The following CFAP54 variants were observed in gnomAD, a reference collection of about 807,000 sequenced individuals.
The protein encoded by CFAP54 is cilia- and flagella-associated protein 54.
In CFAP54, 290 loss-of-function variants were observed where a neutral mutation model predicts 370.4. The observed-to-expected ratio is 0.78, with a 90% confidence interval of 0.71 to 0.86. The LOEUF is 0.86. Among genes scored for constraint, CFAP54 ranks in the 40% least tolerant of loss-of-function variants. The probability of loss-of-function intolerance (pLI) is 0.00; values close to 1 mark genes in which losing one functional copy is unlikely to be tolerated. For synonymous variants in CFAP54, 1,206 were observed against 1,236.5 expected, an observed-to-expected ratio of 0.98 and a Z score of 0.52; for missense variants, 3,399 against 3,528.7, an observed-to-expected ratio of 0.96 and a Z score of 0.93.
chr12:96,775,649 A>G (rs549389823), intron 60 of CFAP54, among the ~76,000 whole-genome samples: 4 of 152,160 alleles, frequency 2.6e-5, no homozygotes, highest in Non-Finnish European at 5.9e-5. Context: ...TGCTGCTCAC[A>G]TAATTGTTCC....
intron 19 of CFAP54, among the ~76,000 whole-genome samples, chr12:96,570,456 T>A (rs1205805362): frequency 6.6e-6 from 1 of 152,068 alleles, no homozygotes; most frequent in Non-Finnish European, 1.5e-5. Flanking sequence ...CTCTTTTAAG[T>A]GATTTAAGGG....
At chr12:96,716,440 A>G (rs1375394977) in intron 48 of CFAP54, among the ~76,000 whole-genome samples, 2 of 152,186 alleles carry the variant, frequency 1.3e-5, no homozygotes, top group African/African-American at 4.8e-5. Context: ...TTGCACTTCC[A>G]TAAGTGTTCT....
At chr12:96,830,492 G>A (rs1482815670) in intron 66 of CFAP54, among the ~76,000 whole-genome samples, 1 of 151,992 alleles carries the variant, frequency 6.6e-6, no homozygotes, top group Non-Finnish European at 1.5e-5. Context: ...TGGGCTTATT[G>A]ACCATTTGCG....
At chr12:96,782,392 C>A (rs892126419) in intron 60 of CFAP54, among the ~76,000 whole-genome samples, 3 of 152,002 alleles carry the variant, frequency 2.0e-5, no homozygotes, top group Non-Finnish European at 4.4e-5. Flanking sequence ...TCATTCACTG[C>A]AGATTATTCA....
chr12:96,538,307 T>C, intron 12 of CFAP54, 77 bp from the exon 13 acceptor site: 1 of 1,249,158 alleles, frequency 8.0e-7, no homozygotes, highest in Non-Finnish European at 1.1e-6. Context: ...TCTTAGAGTG[T>C]TTCTCAGCAC....
chr12:96,729,026 G>A (rs913874379), intron 50 of CFAP54, among the ~76,000 whole-genome samples: 5 of 152,144 alleles, frequency 3.3e-5, no homozygotes, highest in Admixed American at 6.5e-5. Flanking sequence ...CTGTCTGATC[G>A]TTCTTCTGGA....
At chr12:96,511,414 G>A (rs1374919222) in intron 4 of CFAP54, among the ~76,000 whole-genome samples, 1 of 152,148 alleles carries the variant, frequency 6.6e-6, no homozygotes, top group Non-Finnish European at 1.5e-5. Context: ...TGTCACCTGG[G>A]CTTAGGCAAT....
intron 38 of CFAP54, among the ~76,000 whole-genome samples, chr12:96,659,522 T>G (rs1956966768): frequency 6.6e-6 from 1 of 152,258 alleles, no homozygotes; most frequent in East Asian, 1.9e-4. Flanking sequence ...ATAAAATGTT[T>G]GAATTTCTAC....
chr12:96,532,395 A>T (rs1199818660), intron 9 of CFAP54, among the ~76,000 whole-genome samples: 1 of 152,166 alleles, frequency 6.6e-6, no homozygotes, highest in Non-Finnish European at 1.5e-5. Flanking sequence ...GCGAATGCCC[A>T]TCTGAATGCA....
intron 32 of CFAP54, among the ~76,000 whole-genome samples, chr12:96,640,136 A>T (rs1289663414): frequency 1.3e-5 from 2 of 152,126 alleles, no homozygotes; most frequent in Non-Finnish European, 2.9e-5. Flanking sequence ...AGGAAGTCAA[A>T]TTGTCCCTGT....
intron 19 of CFAP54, among the ~76,000 whole-genome samples, chr12:96,573,521 G>A (rs1454271427): frequency 6.6e-6 from 1 of 152,154 alleles, no homozygotes; most frequent in Admixed American, 6.5e-5. Context: ...GGGTGAAGAG[G>A]GAATGAGCCT....
At chr12:96,769,782 G>A (rs1958440200) in intron 60 of CFAP54, among the ~76,000 whole-genome samples, 1 of 152,134 alleles carries the variant, frequency 6.6e-6, no homozygotes. Context: ...CCCGCAGAAC[G>A]TAAACACCCT....
chr12:96,765,127 T>G lies in CFAP54; in HGVS notation c.8190T>G (p.Thr2730=), dbSNP rs751253760. 2 of 1,530,156 alleles carry G rather than the reference T, an allele frequency of 1.3e-6. No homozygotes were observed. Among genetic ancestry groups the G allele is most frequent in the African/African-American group, 1.3e-5 (1 of 74,314 alleles). The allele number at this position is 1,530,156 out of a possible 1,614,324, so 94.8% of individuals were successfully genotyped here. A position where few individuals can be genotyped will look rare whatever the true frequency, so the allele number is the denominator to read the frequency against. Residue 2730 remains threonine (T), a synonymous_variant, in exon 60 of 68, where the codon ACT becomes ACG. Coordinates refer to ENST00000524981, the MANE Select transcript of CFAP54 (RefSeq NM_001306084.2). The stretch of plus-strand genomic sequence containing the variant: ...ACTTACTTATTGGAAAGAAGAATAC[T>G]AGAATGCATAAAGTTAACCAAGTGG... The part of the protein sequence containing the change: ...AINLLIGKKN[T]RMHKVNQVAL...
At chr12:96,837,470 C>T (rs1253825029) in intron 66 of CFAP54, among the ~76,000 whole-genome samples, 6 of 151,968 alleles carry the variant, frequency 3.9e-5, no homozygotes, top group Non-Finnish European at 5.9e-5. Context: ...TAACTTTGTA[C>T]TTAATAGTTT....
intron 67 of CFAP54, among the ~76,000 whole-genome samples, chr12:96,865,233 A>G (rs1005393205): frequency 6.6e-5 from 10 of 152,214 alleles, no homozygotes; most frequent in Non-Finnish European, 1.3e-4. Flanking sequence ...GCATAGTCAT[A>G]CAAGAGAATA....
rs1005284122 is a variant in CFAP54, at chr12:96,635,366, C to T, written c.4316+4715C>T. ...TGATTTTTTTCTTCTTTAATATGAT[C>T]GTGCGATAAACTACATTATTACATA... On this transcript the variant is annotated intron_variant, in intron 32 of 67. Transcript: ENST00000524981. 3.3e-5 allele frequency among the ~76,000 whole-genome samples: 5 copies of T among 151,834 alleles called. No homozygotes were observed. The South Asian group carries it at 6.2e-4, about 19-fold the overall frequency.
At chr12:96,529,188 G>A (rs988351319) in intron 9 of CFAP54, among the ~76,000 whole-genome samples, 3 of 152,104 alleles carry the variant, frequency 2.0e-5, no homozygotes, top group African/African-American at 4.8e-5. Flanking sequence ...ACCAGCTTTG[G>A]TAAATAGTCT....
At chr12:96,742,866 G>A (rs189592168) in intron 52 of CFAP54, among the ~76,000 whole-genome samples, 43 of 152,290 alleles carry the variant, frequency 2.8e-4, no homozygotes, top group Middle Eastern at 3.4e-3. Context: ...GCAACTAAGT[G>A]TAGGAGTGAA....
In CFAP54 at chr12:96,638,719, G is replaced by C. The variant is rs147685811; in HGVS notation, c.4317-5459G>C. 5.2e-3 allele frequency among the ~76,000 whole-genome samples: 796 copies of C among 152,126 alleles called. 8 individuals carry two copies. The highest frequency in any genetic ancestry group is 0.018 in the African/African-American group (746 of 41,498). On this transcript the variant is annotated intron_variant, in intron 32 of 67. Transcript: ENST00000524981. ...TTTTAGAACTCTTTGTTTATTGATG[G>C]TATGTAGAAATAGAGTTATTTTTGT...
Sources: allele counts gnomAD v4.1 joint callset (sites outside exome capture counted in the v4.1 genomes callset), GRCh38; gene constraint gnomAD v4.1.1; transcripts MANE v1.5; gene names NCBI Gene and HGNC (gene_info 2026-07-23, HGNC 2026-07-21).